KMO: variants seen among roughly 807,000 people sequenced by gnomAD.
The protein encoded by KMO is kynurenine 3-monooxygenase, also known as kynurenine 3-hydroxylase.
In KMO, 24 loss-of-function variants were observed where a neutral mutation model predicts 57.8. The observed-to-expected ratio is 0.42, with a 90% CI of 0.30 to 0.58. The LOEUF (loss-of-function observed/expected upper bound fraction) is 0.58, where lower values mean the gene tolerates loss of function less well. KMO is among the 20% of genes least tolerant of loss of function. The pLI, the probability that KMO is intolerant of heterozygous loss-of-function variation, is 0.22. For missense variants in KMO, 483 were observed against 588.2 expected (o/e 0.82, Z 1.85); for synonymous variants, 210 against 193.6 (o/e 1.08, Z -0.70).
rs547165828 is a variant in KMO, at chr1:241,532,941, G to A, written c.54+443G>A. Among the ~76,000 whole-genome samples, 13 of 152,114 alleles carry A rather than the reference G, an allele frequency of 8.5e-5. No homozygotes were observed. The South Asian group carries it at 2.7e-3, about 32-fold the overall frequency. ...GAATAAAAGGGTCAAGAAACATGAA[G>A]CTAACGTCAAAGTATCATGTTGAAT... On this transcript the variant is annotated intron_variant, in intron 1 of 14. Transcript: ENST00000366559.
intron 10 of KMO, among the ~76,000 whole-genome samples, chr1:241,586,186 A>G (rs1260942594): frequency 1.5e-5 from 2 of 133,860 alleles, no homozygotes; most frequent in South Asian, 2.5e-4. Context: ...CATGAAGTCT[A>G]TGGTCTTTTT....
At chr1:241,548,967 G>A (rs973994977) in intron 2 of KMO, 69 bp downstream of exon 2, 4 of 998,688 alleles carry the variant, frequency 4.0e-6, no homozygotes, top group South Asian at 1.3e-5. Context: ...GGGAGGCCAG[G>A]GCACATGGAT....
At chr1:241,586,310 C>T (rs558390250) in intron 10 of KMO, among the ~76,000 whole-genome samples, 1 of 149,410 alleles carries the variant, frequency 6.7e-6, no homozygotes, top group African/African-American at 2.5e-5. Context: ...GTGGTCCTCT[C>T]ACCTCAGCCT....
At chr1:241,579,455 C>A (rs1662667925) in intron 10 of KMO, among the ~76,000 whole-genome samples, 1 of 152,020 alleles carries the variant, frequency 6.6e-6, no homozygotes, top group Non-Finnish European at 1.5e-5. Context: ...GTTTTCTGGC[C>A]ACTAAGGTAA....
At chr1:241,566,056 A>T (rs1662064112) in intron 8 of KMO, among the ~76,000 whole-genome samples, 1 of 152,186 alleles carries the variant, frequency 6.6e-6, no homozygotes, top group Admixed American at 6.5e-5. Context: ...AATACAAAAA[A>T]TTAGCCGGGT....
At position 241,549,779 on chromosome 1, in the gene KMO, T is replaced by C. The variant is rs576007180; in HGVS notation, c.222+5T>C. On this transcript the variant is annotated splice_donor_5th_base_variant and intron_variant, in intron 3 of 14. Transcript: ENST00000366559. ...GCTGTTGGCCTGGAAGATCAGGTAC[T>C]TAATGTATCTTTCTTACAGAAGATA... The C allele has an allele frequency of 5.2e-6, 8 of 1,543,850 alleles. No individual in the cohort carries two copies. The highest frequency in any genetic ancestry group is 2.2e-5 in the South Asian group (2 of 89,106).
chr1:241,550,019 C>T (rs767487270), intron 3 of KMO: 50 of 370,400 alleles, frequency 1.3e-4, no homozygotes, highest in Non-Finnish European at 1.9e-4. Flanking sequence ...CAGGATGGTG[C>T]GTCACTGCCT....
chr1:241,549,266 A>AAAGAAGGAAAGAAAGAAAGG (rs1348387681), intron 2 of KMO, among the ~76,000 whole-genome samples: 2 of 117,554 alleles, frequency 1.7e-5, no homozygotes, highest in African/African-American at 3.3e-5. Context: ...AGAAAGAAAG[A>AAAGAAGGAAAGAAAGAAAGG]AAGGAAGGAA....
intron 1 of KMO, among the ~76,000 whole-genome samples, chr1:241,543,047 G>A (rs532283865): frequency 1.3e-5 from 2 of 152,018 alleles, no homozygotes; most frequent in South Asian, 4.2e-4. Context: ...ATATTTATAC[G>A]AGATCTATTT....
intron 10 of KMO, among the ~76,000 whole-genome samples, chr1:241,578,870 G>A (rs940770743): frequency 6.6e-6 from 1 of 152,136 alleles, no homozygotes; most frequent in African/African-American, 2.4e-5. Flanking sequence ...TATGGTGGAA[G>A]GTGAAAGGCC....
chr1:241,549,570 C>T, intron 2 of KMO, 107 bp from the exon 3 acceptor site: 1 of 562,808 alleles, frequency 1.8e-6, no homozygotes. Context: ...TTAAGAAGTT[C>T]TTTAATGTGG....
At chr1:241,577,323 G>A (rs537677723) in intron 10 of KMO, among the ~76,000 whole-genome samples, 8 of 151,454 alleles carry the variant, frequency 5.3e-5, no homozygotes, top group African/African-American at 7.3e-5. Flanking sequence ...TCATATTACC[G>A]GAATTATTTT....
At chr1:241,589,901 A>T in intron 12 of KMO, 111 bp from the exon 13 acceptor site, 1 of 839,080 alleles carries the variant, frequency 1.2e-6, no homozygotes, top group Non-Finnish European at 1.9e-6. Flanking sequence ...AAATTATTTG[A>T]CTACTTTGTG....
intron 5 of KMO, 117 bp from the exon 6 acceptor site, chr1:241,560,548 G>A (rs1189793055): frequency 4.2e-6 from 3 of 709,008 alleles, no homozygotes; most frequent in Non-Finnish European, 7.4e-6. Flanking sequence ...TTTTTACATT[G>A]TTATGAATAA....
intron 10 of KMO, among the ~76,000 whole-genome samples, chr1:241,583,044 G>T (rs1161265759): frequency 6.6e-6 from 1 of 152,176 alleles, no homozygotes; most frequent in Non-Finnish European, 1.5e-5. Context: ...AGTCCTAGAG[G>T]CACAATGGTG....
chr1:241,595,279 G>C lies in KMO; in HGVS notation c.*3126G>C, dbSNP rs1300944334. ...GTACAACATCGAATAATATTTCTTG[G>C]CCTCCTTTCCGCTTCTCCTCTCTGC... On this transcript the variant is annotated 3_prime_UTR_variant, in exon 15 of 15. Coordinates refer to ENST00000366559, the MANE Select transcript of KMO (RefSeq NM_003679.5). 1.3e-5 allele frequency: 2 copies of C among 152,128 alleles called. No individual in the cohort carries two copies. The highest frequency in any genetic ancestry group is 2.9e-5 in the Non-Finnish European group (2 of 68,100). The allele number at this position is 152,128 out of a possible 1,614,324, so 9.4% of individuals were successfully genotyped here. A position where few individuals can be genotyped will look rare whatever the true frequency, so the allele number is the denominator to read the frequency against.
intron 1 of KMO, among the ~76,000 whole-genome samples, chr1:241,547,216 A>G (rs561249010): frequency 1.3e-5 from 2 of 152,332 alleles, no homozygotes; most frequent in South Asian, 2.1e-4. Context: ...TGAACAAGAC[A>G]TTTGTAATTG....
chr1:241,561,519 C>T (rs749200908), intron 6 of KMO, among the ~76,000 whole-genome samples: 67 of 152,170 alleles, frequency 4.4e-4, no homozygotes, highest in Non-Finnish European at 2.6e-4. Flanking sequence ...ACAGTACTTC[C>T]GGCTCTCATT....
intron 8 of KMO, among the ~76,000 whole-genome samples, chr1:241,565,913 A>G (rs1473652307): frequency 2.0e-5 from 3 of 151,882 alleles, no homozygotes; most frequent in African/African-American, 7.3e-5. Context: ...TTAGTAATTT[A>G]AAGACTGTAG....
Sources: allele counts gnomAD v4.1 joint callset (sites outside exome capture counted in the v4.1 genomes callset), GRCh38; gene constraint gnomAD v4.1.1; transcripts MANE v1.5; gene names NCBI Gene and HGNC (gene_info 2026-07-23, HGNC 2026-07-21).